Variants in MYO18B observed in about 807,000 individuals in gnomAD.
The protein encoded by MYO18B is unconventional myosin-XVIIIb.
Under a neutral mutation model 273.0 loss-of-function variants are expected in MYO18B, and 204 were observed. The ratio of observed to expected loss-of-function variants is 0.75; its 90% confidence interval spans 0.67 to 0.84. The LOEUF (loss-of-function observed/expected upper bound fraction) is 0.84, where lower values mean the gene tolerates loss of function less well. MYO18B is among the 40% of genes least tolerant of loss of function. The pLI, the probability that MYO18B is intolerant of heterozygous loss-of-function variation, is 0.00. For missense variants in MYO18B, 3,212 were observed against 3,287.6 expected, an observed-to-expected ratio of 0.98 and a Z score of 0.56; for synonymous variants, 1,330 against 1,305.7, an observed-to-expected ratio of 1.02 and a Z score of -0.40.
intron 40 of MYO18B, among the ~76,000 whole-genome samples, chr22:25,998,963 T>C (rs1933638797): frequency 1.3e-5 from 2 of 152,202 alleles, no homozygotes; most frequent in African/African-American, 4.8e-5. Context: ...GGCTCCAAAC[T>C]ACTTTGTCTA....
intron 34 of MYO18B, among the ~76,000 whole-genome samples, chr22:25,921,702 T>TTGTGTGTG (rs3070571): frequency 1.1e-3 from 165 of 145,704 alleles, no homozygotes; most frequent in Non-Finnish European, 1.9e-3. Flanking sequence ...AGTGTGCCTG[T>TTGTGTGTG]TGTGTGTGTG....
chr22:25,873,550 C>T (rs2091106703), intron 22 of MYO18B, among the ~76,000 whole-genome samples: 1 of 152,222 alleles, frequency 6.6e-6, no homozygotes, highest in African/African-American at 2.4e-5. Flanking sequence ...AAGCGATTCT[C>T]CTGCCTCAGC....
At position 25,891,348 on chromosome 22, in the gene MYO18B, A is replaced by G; in HGVS notation, c.4479A>G (p.Lys1493=). ...AGAAAAAACTGGGAGATGTGAATAA[A>G]CAGTTGGAAGAAGCCCAGCAGAAAA... ...QVQKKLGDVN[K]QLEEAQQKIQ... Residue 1493 remains lysine, a synonymous_variant, in exon 27 of 44, where the codon AAA becomes AAG. Transcript: ENST00000335473. 1 of 1,584,758 alleles carries G rather than the reference A, an allele frequency of 6.3e-7. No homozygotes were observed. Among genetic ancestry groups the G allele is most frequent in the Non-Finnish European group, 8.6e-7 (1 of 1,165,142 alleles).
At chr22:26,009,709 G>T (rs1934728827) in intron 42 of MYO18B, among the ~76,000 whole-genome samples, 1 of 151,922 alleles carries the variant, frequency 6.6e-6, no homozygotes, top group Admixed American at 6.6e-5. Context: ...TCTGCTCCTT[G>T]GTTCTCCTCA....
At chr22:26,008,487 A>C (rs1601821012) in intron 42 of MYO18B, among the ~76,000 whole-genome samples, 1 of 152,176 alleles carries the variant, frequency 6.6e-6, no homozygotes, top group East Asian at 1.9e-4. Context: ...AACAGAAGAG[A>C]GGGAGAAAGC....
chr22:26,027,093 C>T lies in MYO18B; in HGVS notation c.7119C>T (p.Asp2373=), dbSNP rs777860383. 1 of 1,614,034 alleles carries T rather than the reference C, an allele frequency of 6.2e-7. No homozygotes were observed. The highest frequency in any genetic ancestry group is 1.1e-5 in the South Asian group (1 of 91,072). ...RKLSSPTTPR[D]MLLSPTLRPR... ...TGAGCTCTCCGACCACACCCAGGGA[C>T]ATGCTGTTGTCGCCCACACTGCGTC... The change falls in exon 43 of 44, where the codon GAC becomes GAT. Residue 2373 remains aspartate (D), a synonymous_variant. Coordinates refer to ENST00000335473, the MANE Select transcript of MYO18B (RefSeq NM_032608.7). This position sits in a 1 kb window ranked among gnomAD's most constrained non-coding sequence, Gnocchi z 4.1.
At chr22:26,037,014 G>T in the MYO18B span, among the ~76,000 whole-genome samples, 8 of 152,272 alleles carry the variant, frequency 5.3e-5, no homozygotes, top group East Asian at 5.8e-4. Context: ...CCAAATACAG[G>T]CATTCTTGGT....
At position 25,883,875 on chromosome 22, in the gene MYO18B, A is replaced by G. The variant is rs1342890916; in HGVS notation, c.4314+5827A>G. Among the ~76,000 whole-genome samples, 1 of 152,230 alleles carries G rather than the reference A, an allele frequency of 6.6e-6. No individual in the cohort carries two copies. The highest frequency in any genetic ancestry group is 1.9e-4 in the East Asian group (1 of 5,198). On this transcript the variant is annotated intron_variant, in intron 25 of 43. Transcript: ENST00000335473. The surrounding 1 kb of genome is among the most constrained non-coding windows in gnomAD (Gnocchi z 7.6). The stretch of plus-strand genomic sequence containing the variant: ...GGAGCCTCTAAGAATCTGGCTATAA[A>G]TACTCTTCAAGCATGCAAAATGTGC...
chr22:25,827,512 A>G (rs1210578888), intron 14 of MYO18B, among the ~76,000 whole-genome samples: 1 of 152,228 alleles, frequency 6.6e-6, no homozygotes, highest in Non-Finnish European at 1.5e-5. Flanking sequence ...CAGCAGAGCT[A>G]ATTCAGAGCC....
rs181436844 is a variant in MYO18B at position 25,820,244 on chromosome 22, G to T, written c.2522-3261G>T. 9.2e-4 allele frequency among the ~76,000 whole-genome samples: 139 copies of T among 151,842 alleles called. 2 individuals are homozygous for T. Among genetic ancestry groups the T allele is most frequent in the African/African-American group, 3.2e-3 (131 of 41,378 alleles). ...ATACAGTGATGCTCTTGTGACCAGT[G>T]CAGAGTAATTGGCACATTAGGAGGA... is the stretch of plus-strand genomic sequence containing the variant. On this transcript the variant is annotated intron_variant, in intron 12 of 43. Coordinates refer to ENST00000335473, the MANE Select transcript of MYO18B (RefSeq NM_032608.7).
At chr22:25,886,529 C>T in intron 25 of MYO18B, among the ~76,000 whole-genome samples, 1 of 152,276 alleles carries the variant, frequency 6.6e-6, no homozygotes, top group African/African-American at 2.4e-5. Flanking sequence ...TGGGGGCTTC[C>T]CTTCCACTGG....
At chr22:25,969,977 T>TCATCACCACCAC (rs1185925740) in intron 39 of MYO18B, among the ~76,000 whole-genome samples, 1 of 152,070 alleles carries the variant, frequency 6.6e-6, no homozygotes, top group Non-Finnish European at 1.5e-5. Flanking sequence ...ATCATCTTCT[T>TCATCACCACCAC]CATCACCACC....
At chr22:25,823,903 G>T (rs1487941586) in intron 13 of MYO18B, among the ~76,000 whole-genome samples, 2 of 152,216 alleles carry the variant, frequency 1.3e-5, no homozygotes, top group Non-Finnish European at 2.9e-5. Context: ...CTGAAACCTG[G>T]CAGGGAGCCC....
chr22:25,823,577 A>T lies in MYO18B; in HGVS notation c.2594A>T (p.Glu865Val), dbSNP rs771826114. 18 of 1,613,802 alleles carry T rather than the reference A, an allele frequency of 1.1e-5. No individual in the cohort carries two copies. Among genetic ancestry groups the T allele is most frequent in the Non-Finnish European group, 1.4e-5 (17 of 1,179,884 alleles). Residue 865 changes from glutamate to valine, a missense_variant, in exon 13 of 44, where the codon GAG becomes GTG. Coordinates refer to ENST00000335473, the MANE Select transcript of MYO18B (RefSeq NM_032608.7). Reference sequence around the variant, plus strand: ...GAGGCCCTGGGCTGCGAGTATGAGGAGCTGAACACGGCCACCTTCAAGCAC... The same window carrying T: ...GAGGCCCTGGGCTGCGAGTATGAGGTGCTGAACACGGCCACCTTCAAGCAC... ...AAEALGCEYEELNTATFKHHL... is the reference protein window; with the variant it reads ...AAEALGCEYEVLNTATFKHHL...
At chr22:25,998,228 A>G (rs1365627127) in intron 40 of MYO18B, among the ~76,000 whole-genome samples, 8 of 152,122 alleles carry the variant, frequency 5.3e-5, no homozygotes, top group African/African-American at 1.9e-4. Context: ...CCTTAGATTA[A>G]TGGAGAAATG....
At chr22:25,759,445 C>A (rs1201023789) in intron 1 of MYO18B, among the ~76,000 whole-genome samples, 1 of 152,056 alleles carries the variant, frequency 6.6e-6, no homozygotes, top group Admixed American at 6.5e-5. Flanking sequence ...ACTGCACGTT[C>A]TCACTCAAAT....
chr22:26,035,629 C>G (rs1442433124), downstream of MYO18B, among the ~76,000 whole-genome samples: 2 of 152,364 alleles, frequency 1.3e-5, no homozygotes, highest in South Asian at 2.1e-4. Flanking sequence ...TGACCTAGGT[C>G]TGGCTGCTCA....
At chr22:25,769,792 G>A (rs1217649261) in intron 4 of MYO18B, among the ~76,000 whole-genome samples, 1 of 152,078 alleles carries the variant, frequency 6.6e-6, no homozygotes, top group Non-Finnish European at 1.5e-5. Flanking sequence ...CAGATTCCTG[G>A]GGCCAGCCAT....
chr22:26,003,613 C>T (rs1934172320), intron 41 of MYO18B, among the ~76,000 whole-genome samples: 1 of 152,172 alleles, frequency 6.6e-6, no homozygotes, highest in Non-Finnish European at 1.5e-5. Flanking sequence ...CAGACCCTTG[C>T]CTTCCCCTCC....
Sources: gnomAD v4.1 joint callset for allele counts (sites outside exome capture counted in the v4.1 genomes callset) on GRCh38, gnomAD v4.1.1 for gene constraint, Gnocchi (gnomAD v3.1) non-coding constraint, MANE v1.5 for transcripts, NCBI Gene and HGNC (gene_info 2026-07-23, HGNC 2026-07-21) for gene names.